Variants in SLC20A2 observed in about 807,000 individuals in gnomAD.
The protein encoded by SLC20A2 is solute carrier family 20 member 2.
Under a neutral mutation model 61.0 loss-of-function variants are expected in SLC20A2, and 30 were observed. The ratio of observed to expected loss-of-function variants is 0.49; its 90% CI spans 0.37 to 0.67. The LOEUF is 0.67. Ranked by LOEUF, SLC20A2 falls within the 30% of genes least tolerant of loss-of-function variation. SLC20A2 has a pLI of 0.00. For missense variants in SLC20A2, 626 were observed against 866.4 expected, an observed-to-expected ratio of 0.72 and a Z score of 3.48; for synonymous variants, 351 against 353.3, an observed-to-expected ratio of 0.99 and a Z score of 0.07.
At chr8:42,529,132 A>G (rs1482273784) in intron 1 of SLC20A2, among the ~76,000 whole-genome samples, 1 of 151,624 alleles carries the variant, frequency 6.6e-6, no homozygotes, top group Non-Finnish European at 1.5e-5. Context: ...ATGCCACCAC[A>G]CCCAGCTAAT....
At chr8:42,431,730 A>G (rs997111003) in intron 8 of SLC20A2, among the ~76,000 whole-genome samples, 7 of 152,300 alleles carry the variant, frequency 4.6e-5, no homozygotes, top group African/African-American at 1.7e-4. Context: ...ACTTTAGTTG[A>G]AGCCAATGTT....
rs1585966322 is a variant in SLC20A2, at chr8:42,417,741, A to G, written c.*62T>C. 15 of 1,569,776 alleles carry G rather than the reference A, an allele frequency of 9.6e-6. No individual in the cohort carries two copies. The East Asian group carries it at 3.2e-4, about 33-fold the overall frequency. On this transcript the variant is annotated 3_prime_UTR_variant, in exon 11 of 11. Transcript: ENST00000520262. ...ATGTGTATGTGCGGCACGAGCACAC[A>G]TGTCTCCCACACGCCAACACCAGAC...
At chr8:42,418,143 C>G (rs1326093416) in intron 10 of SLC20A2, among the ~76,000 whole-genome samples, 176 bp from the exon 11 acceptor site, 1 of 152,196 alleles carries the variant, frequency 6.6e-6, no homozygotes, top group Non-Finnish European at 1.5e-5. Flanking sequence ...GGATTCTTCT[C>G]TTCAGCATAT....
intron 1 of SLC20A2, among the ~76,000 whole-genome samples, chr8:42,525,752 C>T (rs1336059070): frequency 6.6e-6 from 1 of 152,004 alleles, no homozygotes; most frequent in Non-Finnish European, 1.5e-5. Context: ...TAGTAGAGTA[C>T]ATTCTTACAA....
At chr8:42,505,508 T>G (rs1253324406), upstream of SLC20A2, among the ~76,000 whole-genome samples, 2 of 152,148 alleles carry the variant, frequency 1.3e-5, no homozygotes, top group African/African-American at 4.8e-5. Flanking sequence ...GATTCTGCAT[T>G]TTAGTTTGGA....
In SLC20A2 at chr8:42,439,527, G is replaced by C. The variant is rs781554326; in HGVS notation, c.857C>G (p.Pro286Arg). The C allele has an allele frequency of 9.3e-6, 15 of 1,614,094 alleles. No individual in the cohort carries two copies. The Admixed American group carries it at 1.2e-4, about 13-fold the overall frequency. ...GAKANDDSTI[P>R]LTGAAGETLG... ...TGTCTCCCCTGCTGCTCCCGTGAGC[G>C]GGATGGTGCTGTCATCATTAGCCTT... Residue 286 changes from proline (P) to arginine (R), a missense_variant, in exon 7 of 11, where the codon CCG becomes CGG. Coordinates refer to ENST00000520262, the MANE Select transcript of SLC20A2 (RefSeq NM_001257180.2).
rs146848370 is a variant in SLC20A2 at position 42,535,698 on chromosome 8, G to C, written c.-265+6123C>G. ...TCTAGGCAAGTCATTTGTTTGCCCA[G>C]GTTTTCTTAAATATAAAATACAGGG... On this transcript the variant is annotated intron_variant, in intron 1 of 10. Coordinates refer to the SLC20A2 transcript ENST00000342228. Among the ~76,000 whole-genome samples the C allele has an allele frequency of 3.9e-3, 587 of 152,282 alleles. 3 individuals are homozygous for C. The highest frequency in any genetic ancestry group is 0.01 in the African/African-American group (419 of 41,552).
rs753957363 is a variant in SLC20A2, at chr8:42,417,969, T to C, written c.1795-2A>G. The C allele has an allele frequency of 1.9e-6, 3 of 1,608,400 alleles. No individual in the cohort carries two copies. The highest frequency in any genetic ancestry group is 2.5e-6 in the Non-Finnish European group (3 of 1,177,826). On this transcript the variant is annotated splice_acceptor_variant, in intron 10 of 10. Transcript: ENST00000520262. LOFTEE classifies it high-confidence loss of function. The stretch of plus-strand genomic sequence containing the variant: ...GCCCACGGCCACCACCGAGCCCACC[T>C]GTGGGAGCAGACATTGCAAAGTAAA...
intron 1 of SLC20A2, chr8:42,538,272 G>T (rs1048723955): frequency 8.8e-5 from 13 of 147,186 alleles, no homozygotes; most frequent in African/African-American, 3.2e-4. Flanking sequence ...ATATATTATA[G>T]GTATTATATA....
At chr8:42,459,125 A>G (rs529245859) in intron 5 of SLC20A2, among the ~76,000 whole-genome samples, 1 of 149,512 alleles carries the variant, frequency 6.7e-6, no homozygotes, top group Non-Finnish European at 1.5e-5. Context: ...AATCCCAGCT[A>G]CTAAGGAGGC....
At chr8:42,471,432 G>C (rs1397968844) in intron 2 of SLC20A2, among the ~76,000 whole-genome samples, 1 of 152,148 alleles carries the variant, frequency 6.6e-6, no homozygotes, top group Non-Finnish European at 1.5e-5. Flanking sequence ...AAAAGGTCAT[G>C]CTATCACCAG....
chr8:42,450,153 AT>A, intron 5 of SLC20A2, among the ~76,000 whole-genome samples: 1 of 151,964 alleles, frequency 6.6e-6, no homozygotes, highest in East Asian at 1.9e-4. Flanking sequence ...AAAAAATGTG[AT>A]TTCCTAATTT....
chr8:42,505,141 C>T (rs56764504), upstream of SLC20A2, among the ~76,000 whole-genome samples: 20 of 150,878 alleles, frequency 1.3e-4, no homozygotes, highest in East Asian at 3.9e-3. Flanking sequence ...AGATGTCTCA[C>T]TCTGTCGCCC....
intron 5 of SLC20A2, among the ~76,000 whole-genome samples, chr8:42,454,203 C>G (rs1805957513): frequency 6.6e-6 from 1 of 152,118 alleles, no homozygotes; most frequent in Non-Finnish European, 1.5e-5. Flanking sequence ...AGGGTTTCAC[C>G]ATGTTAGCAA....
intron 1 of SLC20A2, among the ~76,000 whole-genome samples, chr8:42,516,428 G>A (rs1811325716): frequency 6.6e-6 from 1 of 152,146 alleles, no homozygotes; most frequent in South Asian, 2.1e-4. Context: ...TATAACCTCT[G>A]GAGCTCAGAC....
chr8:42,464,524 A>G (rs1806998897), intron 3 of SLC20A2, among the ~76,000 whole-genome samples: 1 of 151,984 alleles, frequency 6.6e-6, no homozygotes, highest in Non-Finnish European at 1.5e-5. Flanking sequence ...CTTGTGCTCA[A>G]TCTTTCTCTG....
chr8:42,527,103 CAAA>C (rs754342907), intron 1 of SLC20A2, among the ~76,000 whole-genome samples: 7 of 114,504 alleles, frequency 6.1e-5, no homozygotes, highest in Non-Finnish European at 1.9e-5. Flanking sequence ...GAGCCTGTCT[CAAA>C]AAAAAAAAAA....
chr8:42,496,850 A>G (rs779948549), intron 1 of SLC20A2, among the ~76,000 whole-genome samples: 39 of 152,176 alleles, frequency 2.6e-4, no homozygotes, highest in Non-Finnish European at 4.9e-4. Flanking sequence ...GGGACGGACC[A>G]ACCTGGCCAC....
intron 1 of SLC20A2, among the ~76,000 whole-genome samples, chr8:42,510,318 T>C (rs1168598863): frequency 2.6e-5 from 4 of 152,198 alleles, no homozygotes; most frequent in African/African-American, 4.8e-5. Context: ...TTTTCATAGG[T>C]ATCACCAAGG....
Sources: allele counts gnomAD v4.1 joint callset (sites outside exome capture counted in the v4.1 genomes callset), GRCh38; gene constraint gnomAD v4.1.1; transcripts MANE v1.5; gene names NCBI Gene and HGNC (gene_info 2026-07-23, HGNC 2026-07-21).